FGF12: variants seen among roughly 807,000 people sequenced by gnomAD.
FGF12 encodes the protein fibroblast growth factor 12.
A neutral mutation model predicts 23.6 loss-of-function variants in FGF12; 14 were observed. The ratio of observed to expected loss-of-function variants is 0.59; its 90% CI spans 0.39 to 0.93. The LOEUF (loss-of-function observed/expected upper bound fraction) is 0.93, where lower values mean the gene tolerates loss of function less well. Ranked by LOEUF, FGF12 falls within the 40% of genes least tolerant of loss-of-function variation. The pLI is 0.00. For missense variants in FGF12, 175 were observed against 217.8 expected, an observed-to-expected ratio of 0.80 and a Z score of 1.24; for synonymous variants, 62 against 77.3, an observed-to-expected ratio of 0.80 and a Z score of 1.04.
At chr3:192,450,431 A>G (rs1020231993) in intron 2 of FGF12, among the ~76,000 whole-genome samples, 2 of 152,232 alleles carry the variant, frequency 1.3e-5, no homozygotes, top group South Asian at 2.1e-4. Flanking sequence ...GGAAGCCACC[A>G]GTAATACTAA....
intron 4 of FGF12, among the ~76,000 whole-genome samples, chr3:192,311,933 C>CTATCTATCTAAG (rs1416607427): frequency 7.3e-6 from 1 of 137,026 alleles, no homozygotes; most frequent in African/African-American, 2.7e-5. Flanking sequence ...GTCTGTCTAT[C>CTATCTATCTAAG]TATCTATCTA....
intron 4 of FGF12, among the ~76,000 whole-genome samples, chr3:192,251,681 A>G (rs1394872162): frequency 1.3e-5 from 2 of 152,196 alleles, no homozygotes; most frequent in East Asian, 1.9e-4. Context: ...ACGAAGATGT[A>G]CAAAACAGCA....
At chr3:192,158,480 C>T (rs1205511138) in intron 5 of FGF12, among the ~76,000 whole-genome samples, 1 of 145,192 alleles carries the variant, frequency 6.9e-6, no homozygotes, top group African/African-American at 2.6e-5. Context: ...CTTTGTCTCT[C>T]TCTCCCTTCC....
intron 2 of FGF12, among the ~76,000 whole-genome samples, chr3:192,506,652 G>A (rs911543338): frequency 3.3e-5 from 5 of 152,266 alleles, no homozygotes; most frequent in South Asian, 4.2e-4. Flanking sequence ...GATTACAGGC[G>A]TGAGCCACCG....
At chr3:192,221,748 T>A (rs1298555379) in intron 4 of FGF12, among the ~76,000 whole-genome samples, 4 of 152,112 alleles carry the variant, frequency 2.6e-5, no homozygotes, top group African/African-American at 9.7e-5. Context: ...AAAGATTTAC[T>A]GAAGTATAAA....
At chr3:192,576,767 T>A (rs184023644) in intron 2 of FGF12, among the ~76,000 whole-genome samples, 4 of 152,276 alleles carry the variant, frequency 2.6e-5, no homozygotes, top group East Asian at 1.9e-4. Flanking sequence ...TCATGTTTAT[T>A]GCGGCACTAT....
At chr3:192,350,361 A>T (rs770712975) in intron 3 of FGF12, among the ~76,000 whole-genome samples, 1 of 152,176 alleles carries the variant, frequency 6.6e-6, no homozygotes, top group African/African-American at 2.4e-5. Flanking sequence ...GAATAAAAAA[A>T]GTATGGTATA....
At chr3:192,513,258 A>G (rs1274755820) in intron 2 of FGF12, among the ~76,000 whole-genome samples, 1 of 152,154 alleles carries the variant, frequency 6.6e-6, no homozygotes, top group African/African-American at 2.4e-5. Flanking sequence ...AAACTTTAAC[A>G]TAAAGCCACT....
intron 2 of FGF12, among the ~76,000 whole-genome samples, chr3:192,483,210 T>C (rs149301646): frequency 0.017 from 2,603 of 152,294 alleles, 30 homozygotes; most frequent in Middle Eastern, 0.082. Context: ...AACATCTACC[T>C]ATGTCTTTTA....
At chr3:192,364,107 C>T (rs1718864461) in intron 2 of FGF12, among the ~76,000 whole-genome samples, 1 of 152,120 alleles carries the variant, frequency 6.6e-6, no homozygotes, top group Non-Finnish European at 1.5e-5. Context: ...GCAAGGAAAC[C>T]AGAGAAAGGG....
At chr3:192,313,844 A>T (rs1716086768) in intron 4 of FGF12, among the ~76,000 whole-genome samples, 2 of 152,098 alleles carry the variant, frequency 1.3e-5, no homozygotes, top group Non-Finnish European at 2.9e-5. Context: ...TGGTCTAGAG[A>T]GGTGTGGCTG....
intron 2 of FGF12, among the ~76,000 whole-genome samples, chr3:192,524,500 G>C (rs1202767398): frequency 2.6e-5 from 4 of 152,176 alleles, no homozygotes; most frequent in Non-Finnish European, 5.9e-5. Context: ...TGTGGGAAAG[G>C]AGGAGAAAAA....
At chr3:192,437,816 C>A (rs1249361398) in intron 2 of FGF12, among the ~76,000 whole-genome samples, 3 of 152,064 alleles carry the variant, frequency 2.0e-5, no homozygotes, top group Non-Finnish European at 4.4e-5. Flanking sequence ...ATTGGAGAAT[C>A]CCTCTCACTT....
At chr3:192,145,184 A>G (rs1186663914) in intron 5 of FGF12, among the ~76,000 whole-genome samples, 1 of 152,260 alleles carries the variant, frequency 6.6e-6, no homozygotes, top group Non-Finnish European at 1.5e-5. Flanking sequence ...TTCATAAATG[A>G]AAAATTGCAT....
At chr3:192,273,620 T>C (rs538521141) in intron 4 of FGF12, among the ~76,000 whole-genome samples, 2 of 152,234 alleles carry the variant, frequency 1.3e-5, no homozygotes, top group South Asian at 4.1e-4. Context: ...AGGTGGTAAA[T>C]ATTCTTCCCT....
intron 2 of FGF12, among the ~76,000 whole-genome samples, chr3:192,663,359 A>T (rs1212293159): frequency 6.6e-6 from 1 of 152,192 alleles, no homozygotes; most frequent in East Asian, 1.9e-4. Flanking sequence ...GGTCAAATGT[A>T]ATAACTTTGT....
intron 2 of FGF12, among the ~76,000 whole-genome samples, chr3:192,533,296 AC>A (rs1725140745): frequency 6.6e-6 from 1 of 152,146 alleles, no homozygotes; most frequent in Non-Finnish European, 1.5e-5. Context: ...ACAATCCTTT[AC>A]CAGAAACAGC....
At chr3:192,277,797 C>T (rs780075422) in intron 4 of FGF12, among the ~76,000 whole-genome samples, 2 of 152,196 alleles carry the variant, frequency 1.3e-5, no homozygotes, top group Non-Finnish European at 2.9e-5. Flanking sequence ...GAGTCTCGCT[C>T]TGTCGCCCTG....
At chr3:192,451,162 G>GTAAA (rs1465647026) in intron 2 of FGF12, among the ~76,000 whole-genome samples, 2 of 152,178 alleles carry the variant, frequency 1.3e-5, no homozygotes, top group East Asian at 3.8e-4. Context: ...TACCCAAAGT[G>GTAAA]TAAACACAAT....
Sources: gnomAD v4.1 joint callset for allele counts (sites outside exome capture counted in the v4.1 genomes callset) on GRCh38, gnomAD v4.1.1 for gene constraint, MANE v1.5 for transcripts, NCBI Gene and HGNC (gene_info 2026-07-23, HGNC 2026-07-21) for gene names.